Variants in ETV1 observed in about 807,000 individuals in gnomAD.
The protein encoded by ETV1 is ETS translocation variant 1.
Under a neutral mutation model 62.3 loss-of-function variants are expected in ETV1, and 27 were observed. The ratio of observed to expected loss-of-function variants is 0.43; its 90% confidence interval spans 0.32 to 0.60. The LOEUF (loss-of-function observed/expected upper bound fraction) is 0.60, where lower values mean the gene tolerates loss of function less well. Ranked by LOEUF, ETV1 falls within the 20% of genes least tolerant of loss-of-function variation. The probability of loss-of-function intolerance (pLI) is 0.06; values close to 1 mark genes in which losing one functional copy is unlikely to be tolerated. For missense variants in ETV1, 605 were observed against 605.8 expected (o/e 1.00, Z 0.01); for synonymous variants, 222 against 199.6 (o/e 1.11, Z -0.94).
At chr7:13,986,744 T>C in intron 4 of ETV1, 59 bp from the exon 5 acceptor site, 1 of 1,169,072 alleles carries the variant, frequency 8.6e-7, no homozygotes, top group Non-Finnish European at 1.2e-6. Context: ...CTTCATTAAA[T>C]GGAAATATTT....
intron 9 of ETV1, among the ~76,000 whole-genome samples, chr7:13,926,076 T>G (rs964422231): frequency 1.1e-4 from 17 of 152,200 alleles, no homozygotes; most frequent in Admixed American, 3.3e-4. Context: ...TAAATATTTT[T>G]CAAAAATCTG....
intron 6 of ETV1, among the ~76,000 whole-genome samples, chr7:13,964,028 G>T (rs573788495): frequency 6.6e-6 from 1 of 152,066 alleles, no homozygotes; most frequent in Non-Finnish European, 1.5e-5. Flanking sequence ...AACATCCAGA[G>T]AAACACAGCA....
rs1781484019 is a variant in ETV1 at position 13,893,017 on chromosome 7, A to G, written c.*2849T>C. The G allele has an allele frequency of 4.3e-6, 1 of 232,872 alleles. No homozygotes were observed. The highest frequency in any genetic ancestry group is 1.8e-4 in the South Asian group (1 of 5,528). 14.4% of individuals were successfully genotyped at this position (232,872 alleles called of 1,614,324 possible). On this transcript the variant is annotated 3_prime_UTR_variant, in exon 14 of 14. Coordinates refer to ENST00000430479, the MANE Select transcript of ETV1 (RefSeq NM_004956.5). ...CAAGATCCGCCCATGATTTGAGAAA[A>G]ATGTTCTGCACTGTCAGTCTTGTGG...
At chr7:13,918,407 G>A (rs1056253724) in intron 9 of ETV1, among the ~76,000 whole-genome samples, 2 of 152,086 alleles carry the variant, frequency 1.3e-5, no homozygotes, top group Non-Finnish European at 2.9e-5. Flanking sequence ...TATAAATCAT[G>A]CTGCTATAAA....
chr7:13,914,929 TCTG>T (rs1404169499), intron 9 of ETV1, among the ~76,000 whole-genome samples: 2 of 152,186 alleles, frequency 1.3e-5, no homozygotes, highest in Non-Finnish European at 2.9e-5. Context: ...CTGAAATTGC[TCTG>T]CTATCAAATA....
At chr7:13,989,218 T>G in intron 2 of ETV1, 50 bp downstream of exon 2, 1 of 593,192 alleles carries the variant, frequency 1.7e-6, no homozygotes, top group South Asian at 2.1e-5. Flanking sequence ...CTAATTACCC[T>G]CCGACAGTCC....
In ETV1 at chr7:13,953,620, G is replaced by T. The variant is rs1789072050; in HGVS notation, c.236-14374C>A. On this transcript the variant is annotated intron_variant, in intron 6 of 13. Transcript: ENST00000430479. ...AATGTGCAGACACCAGAGGTGCTTT[G>T]TCCTGGCTACTGAGTGACTATGAAG... Among the ~76,000 whole-genome samples the T allele has an allele frequency of 2.0e-5, 3 of 151,014 alleles. No individual in the cohort carries two copies. The Admixed American group carries it at 2.0e-4, about 10-fold the overall frequency.
At chr7:13,989,826 T>A (rs572311900), upstream of ETV1, 11 of 381,432 alleles carry the variant, frequency 2.9e-5, no homozygotes, top group African/African-American at 2.3e-4. Flanking sequence ...CGGGTCTCCC[T>A]CGCCCCTCTG....
intron 6 of ETV1, among the ~76,000 whole-genome samples, chr7:13,970,413 G>A (rs1171242775): frequency 9.2e-5 from 14 of 151,890 alleles, no homozygotes; most frequent in Non-Finnish European, 1.9e-4. Context: ...TACTAACTTG[G>A]GCGAGAAGGT....
chr7:13,978,090 CA>C (rs1781629222), intron 5 of ETV1, among the ~76,000 whole-genome samples: 1 of 152,076 alleles, frequency 6.6e-6, no homozygotes, highest in African/African-American at 2.4e-5. Flanking sequence ...AGATTATATT[CA>C]CATTAACAAA....
In ETV1 at chr7:13,919,035, T is replaced by C. The variant is rs575504974; in HGVS notation, c.803-7728A>G. On this transcript the variant is annotated intron_variant, in intron 9 of 13. Coordinates refer to ENST00000430479, the MANE Select transcript of ETV1 (RefSeq NM_004956.5). Reference sequence around the variant, plus strand: ...TAATAATGGCATCTTAATAAAGGACTAGCAGTCTTTGAAGAAGTATCTAGT... The same window carrying C: ...TAATAATGGCATCTTAATAAAGGACCAGCAGTCTTTGAAGAAGTATCTAGT... 7.2e-5 allele frequency among the ~76,000 whole-genome samples: 11 copies of C among 152,318 alleles called. No individual in the cohort carries two copies. The East Asian group carries it at 2.1e-3, about 29-fold the overall frequency.
At chr7:13,918,228 T>C (rs1262010233) in intron 9 of ETV1, among the ~76,000 whole-genome samples, 6 of 152,180 alleles carry the variant, frequency 3.9e-5, no homozygotes, top group African/African-American at 1.4e-4. Flanking sequence ...AGAAGTTCAT[T>C]TGGGTATATA....
At chr7:13,920,739 G>A (rs1331940124) in intron 9 of ETV1, among the ~76,000 whole-genome samples, 1 of 152,064 alleles carries the variant, frequency 6.6e-6, no homozygotes, top group Non-Finnish European at 1.5e-5. Flanking sequence ...TACTGTAACT[G>A]TAGATTTAGA....
At position 13,989,478 on chromosome 7, in the gene ETV1, G is replaced by C. The variant is rs985578379; in HGVS notation, c.-284-14C>G. 2 of 403,218 alleles carry C rather than the reference G, an allele frequency of 5.0e-6. No homozygotes were observed. Among genetic ancestry groups the C allele is most frequent in the African/African-American group, 2.1e-5 (1 of 48,612 alleles). 25.0% of individuals were successfully genotyped at this position (403,218 alleles called of 1,614,324 possible). On this transcript the variant is annotated splice_polypyrimidine_tract_variant and intron_variant, in intron 1 of 13. Coordinates refer to ENST00000430479, the MANE Select transcript of ETV1 (RefSeq NM_004956.5). ...CACCTAACGGGACTAAAGAGACGGA[G>C]ACACCTCTTTCATCAGGATAGTTTT...
intron 9 of ETV1, among the ~76,000 whole-genome samples, chr7:13,915,797 C>T (rs913887988): frequency 4.0e-5 from 6 of 151,756 alleles, no homozygotes; most frequent in African/African-American, 1.5e-4. Flanking sequence ...CACTCTATTG[C>T]AGAACAAGTC....
chr7:13,941,174 C>A (rs866765023), intron 6 of ETV1, among the ~76,000 whole-genome samples: 31 of 152,226 alleles, frequency 2.0e-4, no homozygotes, highest in African/African-American at 5.8e-4. Context: ...GGCTTAAGAG[C>A]CTCAAGAATC....
chr7:13,987,387 A>C (rs960295319), intron 4 of ETV1, among the ~76,000 whole-genome samples: 3 of 152,136 alleles, frequency 2.0e-5, no homozygotes, highest in African/African-American at 7.2e-5. Flanking sequence ...AAAATTGCCA[A>C]CTAAACTTTG....
At chr7:13,948,887 G>A (rs561907437) in intron 6 of ETV1, among the ~76,000 whole-genome samples, 1 of 152,104 alleles carries the variant, frequency 6.6e-6, no homozygotes. Flanking sequence ...GGTTTACTCT[G>A]TCTCTCAAAA....
chr7:13,959,378 C>G lies in ETV1; in HGVS notation c.235+18049G>C, dbSNP rs565917300. On this transcript the variant is annotated intron_variant, in intron 6 of 13. Coordinates refer to ENST00000430479, the MANE Select transcript of ETV1 (RefSeq NM_004956.5). ...AACTTCCCACTCTACTGTACCTTAA[C>G]TAGTCCCAGCATATGCTTCCCCTTC... is the stretch of plus-strand genomic sequence containing the variant. Among the ~76,000 whole-genome samples the G allele has an allele frequency of 9.9e-5, 15 of 152,152 alleles. 1 individual carries two copies. Among genetic ancestry groups the G allele is most frequent in the African/African-American group, 9.7e-5 (4 of 41,424 alleles).
Sources: allele counts gnomAD v4.1 joint callset (sites outside exome capture counted in the v4.1 genomes callset), GRCh38; gene constraint gnomAD v4.1.1; transcripts MANE v1.5; gene names NCBI Gene and HGNC (gene_info 2026-07-23, HGNC 2026-07-21).